The following CCDC7 variants were observed in gnomAD, a reference collection of about 807,000 sequenced individuals.
CCDC7 encodes the protein coiled-coil domain containing 7.
A neutral mutation model predicts 196.9 loss-of-function variants in CCDC7; 183 were observed. The ratio of observed to expected loss-of-function variants is 0.93; its 90% CI spans 0.82 to 1.05. The LOEUF is 1.05. Among genes scored for constraint, CCDC7 ranks in the 50% least tolerant of loss-of-function variants. CCDC7 has a pLI of 0.00. For missense variants in CCDC7, 1,540 were observed against 1,482.2 expected (o/e 1.04, Z -0.64); for synonymous variants, 525 against 484.6 (o/e 1.08, Z -1.10).
At chr10:32,841,558 A>T (rs2092971369) in intron 33 of CCDC7, among the ~76,000 whole-genome samples, 1 of 152,156 alleles carries the variant, frequency 6.6e-6, no homozygotes, top group Non-Finnish European at 1.5e-5. Flanking sequence ...CTACAAATTC[A>T]ATGCAATTCC....
In CCDC7 at chr10:32,780,666, T is replaced by C. The variant is rs552165726; in HGVS notation, c.3013+1582T>C. ...AAGAAAAGAGAAAGGAATCAAAACA[T>C]GTGCCTACAAAAAGTCAACTAAACA... On this transcript the variant is annotated intron_variant, in intron 29 of 41. Transcript: ENST00000639629. 1.1e-3 allele frequency among the ~76,000 whole-genome samples: 166 copies of C among 152,104 alleles called. 1 individual carries two copies. Among genetic ancestry groups the C allele is most frequent in the Non-Finnish European group, 1.1e-3 (72 of 67,964 alleles).
At chr10:32,760,487 T>A (rs2077271473) in intron 28 of CCDC7, among the ~76,000 whole-genome samples, 1 of 151,860 alleles carries the variant, frequency 6.6e-6, no homozygotes, top group African/African-American at 2.4e-5. Context: ...CAGCAAACTA[T>A]CGCAAGGATA....
chr10:32,476,187 A>C (rs1250983154), intron 8 of CCDC7, among the ~76,000 whole-genome samples: 4 of 152,142 alleles, frequency 2.6e-5, no homozygotes, highest in Admixed American at 6.5e-5. Context: ...AATTGCCCCC[A>C]AAATCCCCTG....
exon 35 of CCDC7, chr10:32,845,549 A>C (rs1291911413): frequency 4.0e-5 from 65 of 1,609,464 alleles, no homozygotes; most frequent in Non-Finnish European, 5.4e-5. Context: ...ATAGAGACTG[A>C]TAAGAACTTC....
chr10:32,811,367 C>A (rs1473873708), intron 30 of CCDC7, among the ~76,000 whole-genome samples: 1 of 151,866 alleles, frequency 6.6e-6, no homozygotes, highest in Non-Finnish European at 1.5e-5. Flanking sequence ...ATATTATGAA[C>A]AACTATACGC....
At chr10:32,615,462 GCTTCTGTGTCTT>G (rs1226869845) in intron 18 of CCDC7, among the ~76,000 whole-genome samples, 6 of 152,062 alleles carry the variant, frequency 3.9e-5, no homozygotes, top group Non-Finnish European at 4.4e-5. Flanking sequence ...TTTGTTGGCT[GCTTCTGTGTCTT>G]CTTTTGAAAA....
At chr10:32,677,342 G>A (rs1565098756) in intron 21 of CCDC7, among the ~76,000 whole-genome samples, 1 of 150,892 alleles carries the variant, frequency 6.6e-6, no homozygotes, top group Admixed American at 6.6e-5. Flanking sequence ...TTGTGCACAT[G>A]TATCCTAAAA....
At chr10:32,737,995 T>C (rs1157388966) in intron 28 of CCDC7, among the ~76,000 whole-genome samples, 2 of 152,228 alleles carry the variant, frequency 1.3e-5, no homozygotes, top group Non-Finnish European at 2.9e-5. Context: ...TTTGAATTGA[T>C]ATATTTAGAC....
chr10:32,478,745 G>T (rs2039457287), intron 8 of CCDC7, among the ~76,000 whole-genome samples: 1 of 152,044 alleles, frequency 6.6e-6, no homozygotes, highest in African/African-American at 2.4e-5. Flanking sequence ...ATTCATGAAA[G>T]ATATTCATCT....
chr10:32,702,901 A>G (rs966701938), intron 24 of CCDC7, among the ~76,000 whole-genome samples: 1 of 152,052 alleles, frequency 6.6e-6, no homozygotes, highest in Non-Finnish European at 1.5e-5. Flanking sequence ...CTTTGAGCCT[A>G]TGTGTGTCTC....
chr10:32,704,447 T>G (rs996830668), intron 24 of CCDC7, among the ~76,000 whole-genome samples: 5 of 151,660 alleles, frequency 3.3e-5, no homozygotes, highest in African/African-American at 7.3e-5. Flanking sequence ...TTTAGGCTAC[T>G]CAGGGGTCAG....
At chr10:32,842,203 C>T (rs1047481323) in intron 33 of CCDC7, among the ~76,000 whole-genome samples, 5 of 151,334 alleles carry the variant, frequency 3.3e-5, no homozygotes, top group African/African-American at 7.3e-5. Context: ...TCTATATATC[C>T]GACAAAAGAC....
chr10:32,848,499 T>C (rs190246577), intron 38 of CCDC7, 97 bp from the exon 40 acceptor site: 1 of 908,134 alleles, frequency 1.1e-6, no homozygotes, highest in Non-Finnish European at 1.7e-6. Flanking sequence ...GAAGAAAAAT[T>C]ACCAAGGCAG....
At chr10:32,772,579 G>A (rs1446116559) in intron 28 of CCDC7, among the ~76,000 whole-genome samples, 2 of 152,224 alleles carry the variant, frequency 1.3e-5, no homozygotes, top group Non-Finnish European at 1.5e-5. Flanking sequence ...TTGTGAAACC[G>A]TGTTGGGAGC....
intron 9 of CCDC7, chr10:32,511,406 C>G (rs558277988): frequency 1.9e-6 from 3 of 1,610,194 alleles, no homozygotes; most frequent in Admixed American, 1.7e-5. Flanking sequence ...TGAAGCTGCA[C>G]CTCTGTCCAG....
intron 18 of CCDC7, among the ~76,000 whole-genome samples, chr10:32,624,563 G>T (rs1384618992): frequency 6.6e-6 from 1 of 152,134 alleles, no homozygotes; most frequent in Admixed American, 6.6e-5. Flanking sequence ...TGTTGTTTAT[G>T]TCTCTCTCAT....
exon 32 of CCDC7, chr10:32,824,591 A>G (rs747716200): frequency 2.5e-6 from 4 of 1,609,152 alleles, no homozygotes; most frequent in Non-Finnish European, 3.4e-6. Context: ...AGTTAAAGAG[A>G]AAGAGTTACC....
chr10:32,448,707 G>A (rs1564599061), upstream of CCDC7, among the ~76,000 whole-genome samples: 1 of 151,696 alleles, frequency 6.6e-6, no homozygotes, highest in African/African-American at 2.4e-5. Context: ...CATATATATC[G>A]GATGATCTTC....
At chr10:32,826,230 G>A (rs2091089926) in intron 32 of CCDC7, among the ~76,000 whole-genome samples, 1 of 152,220 alleles carries the variant, frequency 6.6e-6, no homozygotes, top group South Asian at 2.1e-4. Context: ...CCACATGGAA[G>A]TGCACTATAC....
Sources: gnomAD v4.1 joint callset for allele counts (sites outside exome capture counted in the v4.1 genomes callset) on GRCh38, gnomAD v4.1.1 for gene constraint, MANE v1.5 for transcripts, NCBI Gene and HGNC (gene_info 2026-07-23, HGNC 2026-07-21) for gene names.